Variants in CNKSR2 observed in about 807,000 individuals in gnomAD.
The protein encoded by CNKSR2 is CNK homolog protein 2.
CNKSR2 carries 14 observed loss-of-function variants against 84.4 expected under a neutral mutation model. The observed-to-expected ratio is 0.17, with a 90% CI of 0.11 to 0.26. The LOEUF (loss-of-function observed/expected upper bound fraction) is 0.26. CNKSR2 is among the 10% of genes least tolerant of loss of function. The pLI, the probability that CNKSR2 is intolerant of heterozygous loss-of-function variation, is 1.00. For missense variants in CNKSR2, 485 were observed against 771.2 expected, an observed-to-expected ratio of 0.63 and a Z score of 4.40; for synonymous variants, 275 against 277.9, an observed-to-expected ratio of 0.99 and a Z score of 0.10.
At chrX:21,529,358 A>G (rs2091864595) in intron 10 of CNKSR2, among the ~76,000 whole-genome samples, 1 of 111,359 alleles carries the variant, frequency 9.0e-6, no homozygotes. Context: ...CAGTTTCATT[A>G]TCATTATATA....
intron 1 of CNKSR2, among the ~76,000 whole-genome samples, chrX:21,418,764 C>T (rs2090456362): frequency 9.0e-6 from 1 of 111,271 alleles, no homozygotes; most frequent in African/African-American, 3.3e-5. Context: ...ATTTAATAAT[C>T]CCTGTTAAAA....
At chrX:21,465,434 A>T (rs1360858530) in intron 4 of CNKSR2, among the ~76,000 whole-genome samples, 2 of 111,578 alleles carry the variant, frequency 1.8e-5, no homozygotes, top group Admixed American at 9.6e-5. Context: ...TATAATATTC[A>T]TTGCTTAAAT....
At chrX:21,452,480 A>G (rs747480244) in intron 4 of CNKSR2, among the ~76,000 whole-genome samples, 1 of 111,991 alleles carries the variant, frequency 8.9e-6, no homozygotes, top group Non-Finnish European at 1.9e-5. Context: ...TTAAAGACCC[A>G]TATGAATGCT....
At chrX:21,591,985 G>T (rs2092423738) in intron 15 of CNKSR2, 1 of 111,596 alleles carries the variant, frequency 9.0e-6, no homozygotes, top group African/African-American at 3.3e-5. Context: ...TGTGCTGGGT[G>T]AATAGTCCAA....
chrX:21,592,744 C>G (rs2092428507), intron 15 of CNKSR2: 1 of 109,542 alleles, frequency 9.1e-6, no homozygotes, highest in Non-Finnish European at 1.9e-5. Context: ...CCTAAAATAC[C>G]CTCTGCTTCG....
At chrX:21,529,875 C>T (rs1601907797) in intron 10 of CNKSR2, among the ~76,000 whole-genome samples, 1 of 110,687 alleles carries the variant, frequency 9.0e-6, no homozygotes, top group East Asian at 2.8e-4. Context: ...AAATACCATC[C>T]CTTTCAATTT....
chrX:21,522,512 C>T (rs2091794436), intron 9 of CNKSR2, among the ~76,000 whole-genome samples: 2 of 110,922 alleles, frequency 1.8e-5, no homozygotes, highest in South Asian at 7.4e-4. Flanking sequence ...GATATGCTTG[C>T]CCAGAGATGT....
intron 4 of CNKSR2, among the ~76,000 whole-genome samples, chrX:21,449,080 A>G (rs1404981579): frequency 9.0e-6 from 1 of 111,060 alleles, no homozygotes; most frequent in Non-Finnish European, 1.9e-5. Flanking sequence ...CAGGGCGGGC[A>G]GATCACCTGA....
chrX:21,554,631 G>C (rs1168471947), intron 11 of CNKSR2, among the ~76,000 whole-genome samples: 2 of 111,406 alleles, frequency 1.8e-5, no homozygotes, highest in Non-Finnish European at 3.8e-5. Flanking sequence ...ATGGCCTCCA[G>C]CTCCATCCAG....
intron 4 of CNKSR2, among the ~76,000 whole-genome samples, chrX:21,451,483 T>C (rs1319046697): frequency 9.1e-6 from 1 of 109,296 alleles, no homozygotes; most frequent in Admixed American, 9.8e-5. Context: ...ATTAAGAAAA[T>C]GTGGCACATA....
chrX:21,442,743 G>A (rs2090800846), intron 4 of CNKSR2, among the ~76,000 whole-genome samples: 1 of 111,510 alleles, frequency 9.0e-6, no homozygotes, highest in Admixed American at 9.6e-5. Flanking sequence ...TGAAGACTTA[G>A]AATCAACCTA....
intron 11 of CNKSR2, among the ~76,000 whole-genome samples, chrX:21,544,150 T>C (rs1041288786): frequency 9.8e-5 from 11 of 112,530 alleles, no homozygotes; most frequent in Non-Finnish European, 1.7e-4. Flanking sequence ...TCTTTCCACA[T>C]GTTTGGTCAC....
At chrX:21,477,172 A>G (rs774705624) in intron 5 of CNKSR2, among the ~76,000 whole-genome samples, 1 of 112,062 alleles carries the variant, frequency 8.9e-6, no homozygotes, top group South Asian at 3.7e-4. Flanking sequence ...CGTAATCATT[A>G]AGGTCACATT....
At chrX:21,432,489 A>G (rs1010571012) in intron 2 of CNKSR2, 123 bp from the exon 3 acceptor site, 2 of 505,589 alleles carry the variant, frequency 4.0e-6, no homozygotes, top group African/African-American at 2.4e-5. Context: ...CAGGAATCCT[A>G]TCTTATTCAT....
In CNKSR2 at chrX:21,652,303, C is replaced by T; in HGVS notation, c.2890-3C>T. 2.5e-6 allele frequency: 3 copies of T among 1,191,344 alleles called. No homozygotes were observed. Among genetic ancestry groups the T allele is most frequent in the Non-Finnish European group, 3.4e-6 (3 of 880,848 alleles). On this transcript the variant is annotated splice_region_variant and splice_polypyrimidine_tract_variant and intron_variant, in intron 21 of 21. Coordinates refer to ENST00000379510, the MANE Select transcript of CNKSR2 (RefSeq NM_014927.5). ...TTAATTGTTGAATCCTTTTTCTTTT[C>T]AGGCCAGAGAAGGGGAAGTAGCCAT...
At chrX:21,591,756 G>A (rs1026054323) in intron 15 of CNKSR2, 1 of 110,189 alleles carries the variant, frequency 9.1e-6, no homozygotes, top group South Asian at 3.8e-4. Flanking sequence ...TGATTTTCTG[G>A]GGTGTTTTAA....
At chrX:21,515,163 A>T (rs371455710) in intron 8 of CNKSR2, among the ~76,000 whole-genome samples, 3 of 111,332 alleles carry the variant, frequency 2.7e-5, no homozygotes, top group East Asian at 5.7e-4. Flanking sequence ...TTCTAACTTC[A>T]CCAACACTCA....
At chrX:21,395,960 CCA>C (rs2090116580) in intron 1 of CNKSR2, among the ~76,000 whole-genome samples, 1 of 111,724 alleles carries the variant, frequency 9.0e-6, no homozygotes, top group African/African-American at 3.2e-5. Context: ...GCCACCAATG[CCA>C]GTTTACCTTT....
At chrX:21,437,393 A>G (rs1009905465) in intron 3 of CNKSR2, among the ~76,000 whole-genome samples, 11 of 108,734 alleles carry the variant, frequency 1.0e-4, no homozygotes, top group African/African-American at 3.3e-4. Context: ...TTTATGCTTC[A>G]ATGCAGCAAA....
Sources: allele counts gnomAD v4.1 joint callset (sites outside exome capture counted in the v4.1 genomes callset), GRCh38; gene constraint gnomAD v4.1.1; transcripts MANE v1.5; gene names NCBI Gene and HGNC (gene_info 2026-07-23, HGNC 2026-07-21).